Variants in ENOX1 observed in about 807,000 individuals in gnomAD.
The protein encoded by ENOX1 is candidate growth-related and time keeping constitutive hydroquinone (NADH) oxidase.
A neutral mutation model predicts 82.5 loss-of-function variants in ENOX1; 42 were observed. That is an observed-to-expected ratio of 0.51 (90% confidence interval 0.40 to 0.66). The LOEUF is 0.66. Ranked by LOEUF, ENOX1 falls within the 30% of genes least tolerant of loss-of-function variation. The probability of loss-of-function intolerance (pLI) is 0.00; values close to 1 mark genes in which losing one functional copy is unlikely to be tolerated. For synonymous variants in ENOX1, 271 were observed against 282.2 expected, an observed-to-expected ratio of 0.96 and a Z score of 0.40; for missense variants, 608 against 811.6, an observed-to-expected ratio of 0.75 and a Z score of 3.05.
intron 2 of ENOX1, among the ~76,000 whole-genome samples, chr13:43,586,608 C>G (rs1343468353): frequency 1.3e-5 from 2 of 152,210 alleles, no homozygotes; most frequent in African/African-American, 4.8e-5. Flanking sequence ...GCAAGACTTC[C>G]TTTCTCATAA....
chr13:43,624,631 CATTT>C (rs2082886279), intron 2 of ENOX1, among the ~76,000 whole-genome samples: 1 of 152,080 alleles, frequency 6.6e-6, no homozygotes, highest in African/African-American at 2.4e-5. Flanking sequence ...GCTCCAGAAC[CATTT>C]ATTTAAAGAG....
intron 1 of ENOX1, among the ~76,000 whole-genome samples, chr13:43,695,949 TC>T (rs1232443147): frequency 6.6e-6 from 1 of 152,020 alleles, no homozygotes; most frequent in Non-Finnish European, 1.5e-5. Flanking sequence ...TCACTCCCCA[TC>T]CCCCCACTAC....
At chr13:43,294,458 A>T (rs2046179824) in intron 12 of ENOX1, among the ~76,000 whole-genome samples, 1 of 152,228 alleles carries the variant, frequency 6.6e-6, no homozygotes, top group Non-Finnish European at 1.5e-5. Flanking sequence ...TACAGTAGTG[A>T]AAAAAGACAA....
At chr13:43,687,321 C>T (rs2086126265) in intron 1 of ENOX1, among the ~76,000 whole-genome samples, 1 of 152,200 alleles carries the variant, frequency 6.6e-6, no homozygotes, top group Non-Finnish European at 1.5e-5. Flanking sequence ...TTCTTTGTGA[C>T]TGAAAATGGC....
At chr13:43,441,514 AAC>A (rs1010946484) in intron 3 of ENOX1, among the ~76,000 whole-genome samples, 3 of 152,154 alleles carry the variant, frequency 2.0e-5, no homozygotes, top group Non-Finnish European at 4.4e-5. Flanking sequence ...ACGATTCTAA[AAC>A]ACATTCATTA....
chr13:43,435,682 A>G (rs1229005798), intron 3 of ENOX1, among the ~76,000 whole-genome samples: 1 of 152,182 alleles, frequency 6.6e-6, no homozygotes, highest in Non-Finnish European at 1.5e-5. Flanking sequence ...TTTGCCACTT[A>G]TGCTTTTTTA....
intron 14 of ENOX1, among the ~76,000 whole-genome samples, chr13:43,251,107 A>G (rs771232644): frequency 4.6e-5 from 7 of 152,266 alleles, no homozygotes; most frequent in Non-Finnish European, 1.0e-4. Flanking sequence ...AAGTTCGAGA[A>G]GCATAGCCTC....
chr13:43,248,760 TCTA>T (rs764045329), intron 14 of ENOX1, among the ~76,000 whole-genome samples: 34 of 152,140 alleles, frequency 2.2e-4, no homozygotes, highest in Admixed American at 3.3e-4. Flanking sequence ...TAACTGAAAT[TCTA>T]CTACCAAGAT....
In ENOX1 at chr13:43,255,494, C is replaced by T. The variant is rs569146962; in HGVS notation, c.1611+9904G>A. ...ATTGGATGGAAGAAGCCAAATTAGC[C>T]TTGTTCACAGATGACATGATCTTAT... On this transcript the variant is annotated intron_variant, in intron 14 of 16. Coordinates refer to ENST00000690772, the MANE Select transcript of ENOX1 (RefSeq NM_001347969.2). Among the ~76,000 whole-genome samples, 149 of 152,162 alleles carry T rather than the reference C, an allele frequency of 9.8e-4. 1 individual carries two copies. Among genetic ancestry groups the T allele is most frequent in the Non-Finnish European group, 9.1e-4 (62 of 67,960 alleles).
chr13:43,373,638 A>C (rs560757688), intron 5 of ENOX1, among the ~76,000 whole-genome samples: 1 of 152,286 alleles, frequency 6.6e-6, no homozygotes, highest in East Asian at 1.9e-4. Context: ...TTAATAAATT[A>C]AAACTGAGCA....
chr13:43,573,879 C>T (rs1203620246), intron 2 of ENOX1, among the ~76,000 whole-genome samples: 6 of 152,124 alleles, frequency 3.9e-5, no homozygotes, highest in African/African-American at 1.4e-4. Context: ...ACTTCAGTAT[C>T]CAGCATTAAA....
At chr13:43,705,661 T>C (rs1383372489) in intron 1 of ENOX1, among the ~76,000 whole-genome samples, 2 of 151,838 alleles carry the variant, frequency 1.3e-5, no homozygotes, top group Non-Finnish European at 2.9e-5. Flanking sequence ...TTTTAACATA[T>C]ATGAAACAAA....
chr13:43,315,117 G>C (rs1464517004), intron 11 of ENOX1, among the ~76,000 whole-genome samples: 2 of 152,030 alleles, frequency 1.3e-5, no homozygotes, highest in Non-Finnish European at 2.9e-5. Context: ...CTGTGCAAAA[G>C]AAAAAAATTA....
chr13:43,667,558 G>T lies in ENOX1; in HGVS notation c.-284-14C>A, dbSNP rs528023205. The stretch of plus-strand genomic sequence containing the variant: ...GCAGCAAAGGACCTGTAAAATAAAG[G>T]CCATCTTGTTAGAAAAAACTTCAAA... On this transcript the variant is annotated splice_polypyrimidine_tract_variant and intron_variant, in intron 1 of 16. Coordinates refer to ENST00000690772, the MANE Select transcript of ENOX1 (RefSeq NM_001347969.2). 1.0e-4 allele frequency: 95 copies of T among 943,706 alleles called. No individual in the cohort carries two copies. Among genetic ancestry groups the T allele is most frequent in the Non-Finnish European group, 1.2e-4 (93 of 791,912 alleles). The allele number at this position is 943,706 out of a possible 1,614,324, so 58.5% of individuals were successfully genotyped here.
At position 43,373,196 on chromosome 13, in the gene ENOX1, C is replaced by T. The variant is rs142760158; in HGVS notation, c.209-11744G>A. Among the ~76,000 whole-genome samples, 1,324 of 152,040 alleles carry T rather than the reference C, an allele frequency of 8.7e-3. 13 individuals are homozygous for T. The highest frequency in any genetic ancestry group is 0.011 in the South Asian group (54 of 4,808). On this transcript the variant is annotated intron_variant, in intron 5 of 16. Coordinates refer to ENST00000690772, the MANE Select transcript of ENOX1 (RefSeq NM_001347969.2). The stretch of plus-strand genomic sequence containing the variant: ...AAAAAAAAAAGCATATCCTACTTCT[C>T]GGTGGCTTTTTAAGTTCATGTTTTA...
intron 1 of ENOX1, among the ~76,000 whole-genome samples, chr13:43,668,242 CT>C (rs1469189408): frequency 1.3e-5 from 2 of 152,204 alleles, no homozygotes; most frequent in Non-Finnish European, 2.9e-5. Flanking sequence ...GCAACAGAAT[CT>C]GCATTTTAAC....
chr13:43,434,866 C>T (rs1372108482), intron 3 of ENOX1, among the ~76,000 whole-genome samples: 8 of 150,992 alleles, frequency 5.3e-5, no homozygotes, highest in South Asian at 2.1e-4. Flanking sequence ...TACTGAACCA[C>T]TGACCAAATG....
intron 3 of ENOX1, among the ~76,000 whole-genome samples, chr13:43,452,172 G>A (rs141206243): frequency 0.015 from 2,236 of 152,158 alleles, 49 homozygotes; most frequent in African/African-American, 0.05. Context: ...TGCAGAATGT[G>A]CAGGTTTGTT....
intron 2 of ENOX1, among the ~76,000 whole-genome samples, chr13:43,489,717 T>G (rs1017414949): frequency 6.6e-6 from 1 of 152,186 alleles, no homozygotes; most frequent in East Asian, 1.9e-4. Context: ...TCATGGGCTA[T>G]GCTCAACAAT....
Sources: allele counts gnomAD v4.1 joint callset (sites outside exome capture counted in the v4.1 genomes callset), GRCh38; gene constraint gnomAD v4.1.1; transcripts MANE v1.5; gene names NCBI Gene and HGNC (gene_info 2026-07-23, HGNC 2026-07-21).